HS6ST3: variants seen among roughly 807,000 people sequenced by gnomAD.
HS6ST3 encodes heparan-sulfate 6-O-sulfotransferase 3.
In HS6ST3, 12 loss-of-function variants were observed where a neutral mutation model predicts 36.7. The observed-to-expected ratio is 0.33, with a 90% confidence interval of 0.21 to 0.53. HS6ST3 has a LOEUF of 0.53. Ranked by LOEUF, HS6ST3 falls within the 20% of genes least tolerant of loss-of-function variation. The pLI is 0.95. For synonymous variants in HS6ST3, 240 were observed against 257.5 expected (o/e 0.93, Z 0.65); for missense variants, 584 against 640.9 (o/e 0.91, Z 0.96).
intron 1 of HS6ST3, among the ~76,000 whole-genome samples, chr13:96,107,843 T>A (rs1377074249): frequency 6.6e-6 from 1 of 152,264 alleles, no homozygotes; most frequent in Non-Finnish European, 1.5e-5. Flanking sequence ...TATAATTTCC[T>A]ATGCCTGTCT....
chr13:96,580,386 CA>C (rs1408557326), intron 1 of HS6ST3, among the ~76,000 whole-genome samples: 1 of 119,718 alleles, frequency 8.4e-6, no homozygotes, highest in Non-Finnish European at 1.8e-5. Flanking sequence ...CTTTGGTCAA[CA>C]CTTTGTTTTT....
chr13:96,701,273 A>G (rs905349081), intron 1 of HS6ST3, among the ~76,000 whole-genome samples: 4 of 152,226 alleles, frequency 2.6e-5, no homozygotes, highest in African/African-American at 9.6e-5. Context: ...CATCTAAGAT[A>G]CTACGTGCAA....
chr13:96,441,228 AT>A (rs1473632107), intron 1 of HS6ST3, among the ~76,000 whole-genome samples: 1 of 152,118 alleles, frequency 6.6e-6, no homozygotes, highest in African/African-American at 2.4e-5. Context: ...GCCTCCCAGT[AT>A]ATGGTATTCT....
rs1008363910 is a variant in HS6ST3 at position 96,090,370 on chromosome 13, G to T, written c.-493G>T. 6.8e-6 allele frequency among the ~76,000 whole-genome samples: 1 copy of T among 146,248 alleles called. No homozygotes were observed. The highest frequency in any genetic ancestry group is 1.5e-5 in the Non-Finnish European group (1 of 65,840). On this transcript the variant is annotated 5_prime_UTR_variant, in exon 1 of 2. Coordinates refer to ENST00000376705, the MANE Select transcript of HS6ST3 (RefSeq NM_153456.4). ...CCGGGCGCGGTGCCCGCGGCCGGCC[G>T]GGGCGGCGGGAGCGGGCCGCGCCTT...
chr13:96,815,512 G>C (rs1217016548), intron 1 of HS6ST3, among the ~76,000 whole-genome samples: 1 of 152,146 alleles, frequency 6.6e-6, no homozygotes, highest in Non-Finnish European at 1.5e-5. Flanking sequence ...AACAATGATG[G>C]ATTTTGTGTT....
intron 1 of HS6ST3, among the ~76,000 whole-genome samples, chr13:96,443,699 T>C (rs749408686): frequency 3.9e-5 from 6 of 152,232 alleles, no homozygotes; most frequent in Non-Finnish European, 7.3e-5. Context: ...TGTATACCAC[T>C]CTATTGCCAG....
In HS6ST3 at chr13:96,839,090, T is replaced by C. The variant is rs544911825; in HGVS notation, c.*5892T>C. On this transcript the variant is annotated 3_prime_UTR_variant, in exon 2 of 2. Transcript: ENST00000376705. ...TATGGGAACTCATCAAAGGGCCAGA[T>C]TGACATCTTGCCAGAAAAACCAGTG... The C allele has an allele frequency of 5.3e-5, 8 of 152,364 alleles. No individual in the cohort carries two copies. The South Asian group carries it at 6.2e-4, about 12-fold the overall frequency. 9.4% of individuals were successfully genotyped at this position (152,364 alleles called of 1,614,324 possible).
intron 1 of HS6ST3, among the ~76,000 whole-genome samples, chr13:96,552,884 TCCAGCTA>T (rs1287077509): frequency 2.6e-5 from 4 of 152,122 alleles, no homozygotes; most frequent in African/African-American, 7.2e-5. Flanking sequence ...AGCAAAGGAA[TCCAGCTA>T]CCAGAACTGG....
At chr13:96,754,836 A>C (rs1228394431) in intron 1 of HS6ST3, among the ~76,000 whole-genome samples, 2 of 152,064 alleles carry the variant, frequency 1.3e-5, no homozygotes, top group African/African-American at 4.8e-5. Context: ...CTTTACATTT[A>C]TAGTTCTCTT....
At chr13:96,436,464 A>C (rs188637278) in intron 1 of HS6ST3, among the ~76,000 whole-genome samples, 12 of 152,162 alleles carry the variant, frequency 7.9e-5, no homozygotes, top group Non-Finnish European at 1.5e-5. Flanking sequence ...AACCAAACAC[A>C]CCGATGTTAT....
At chr13:96,415,604 A>C (rs1198724230) in intron 1 of HS6ST3, among the ~76,000 whole-genome samples, 1 of 152,222 alleles carries the variant, frequency 6.6e-6, no homozygotes, top group Non-Finnish European at 1.5e-5. Flanking sequence ...CTAGATGTGC[A>C]CAGTGGCATG....
At chr13:96,375,627 T>C (rs540180071) in intron 1 of HS6ST3, among the ~76,000 whole-genome samples, 1 of 152,328 alleles carries the variant, frequency 6.6e-6, no homozygotes, top group Admixed American at 6.5e-5. Flanking sequence ...CTCAATTATT[T>C]GTCTTTATTG....
At chr13:96,493,483 A>G (rs2055957138) in intron 1 of HS6ST3, among the ~76,000 whole-genome samples, 1 of 152,194 alleles carries the variant, frequency 6.6e-6, no homozygotes, top group African/African-American at 2.4e-5. Context: ...CATTTTTTAC[A>G]GCCATTCTGT....
intron 1 of HS6ST3, among the ~76,000 whole-genome samples, chr13:96,775,560 C>A (rs1004792141): frequency 1.2e-4 from 18 of 147,672 alleles, no homozygotes; most frequent in Non-Finnish European, 2.5e-4. Flanking sequence ...TCTGATAAAA[C>A]AGACTTTAAA....
At chr13:96,583,680 C>G (rs1285615604) in intron 1 of HS6ST3, among the ~76,000 whole-genome samples, 1 of 151,994 alleles carries the variant, frequency 6.6e-6, no homozygotes, top group Non-Finnish European at 1.5e-5. Context: ...TGGTTTGTAC[C>G]CTAGGCCTTT....
At chr13:96,800,089 C>T (rs1422005229) in intron 1 of HS6ST3, among the ~76,000 whole-genome samples, 1 of 146,806 alleles carries the variant, frequency 6.8e-6, no homozygotes, top group Non-Finnish European at 1.5e-5. Flanking sequence ...CAAATAATAG[C>T]CCTTGTTACT....
intron 1 of HS6ST3, among the ~76,000 whole-genome samples, chr13:96,770,489 T>G (rs1877237840): frequency 1.3e-5 from 2 of 152,234 alleles, no homozygotes; most frequent in African/African-American, 4.8e-5. Flanking sequence ...TATATTTACT[T>G]GACATGAATA....
chr13:96,242,067 G>C (rs2054563290), intron 1 of HS6ST3, among the ~76,000 whole-genome samples: 1 of 152,002 alleles, frequency 6.6e-6, no homozygotes, highest in Non-Finnish European at 1.5e-5. Flanking sequence ...TTACAGGCGT[G>C]AGCCACCGCG....
intron 1 of HS6ST3, among the ~76,000 whole-genome samples, chr13:96,475,204 A>G (rs994531584): frequency 6.6e-6 from 1 of 151,840 alleles, no homozygotes. Context: ...GAGCTATTCT[A>G]CTCTTCAGTT....
Sources: gnomAD v4.1 joint callset for allele counts (sites outside exome capture counted in the v4.1 genomes callset) on GRCh38, gnomAD v4.1.1 for gene constraint, MANE v1.5 for transcripts, NCBI Gene and HGNC (gene_info 2026-07-23, HGNC 2026-07-21) for gene names.